Variants in SLC39A10 observed in about 807,000 individuals in gnomAD.
The protein encoded by SLC39A10 is solute carrier family 39 member 10.
SLC39A10 carries 13 observed loss-of-function variants against 65.1 expected under a neutral mutation model. The observed-to-expected ratio is 0.20, with a 90% confidence interval of 0.13 to 0.32. SLC39A10 has a LOEUF of 0.32. Ranked by LOEUF, SLC39A10 falls within the 10% of genes least tolerant of loss-of-function variation. SLC39A10 has a pLI of 1.00. For synonymous variants in SLC39A10, 321 were observed against 342.2 expected, an observed-to-expected ratio of 0.94 and a Z score of 0.68; for missense variants, 831 against 1,018.4, an observed-to-expected ratio of 0.82 and a Z score of 2.50.
At chr2:195,619,092 CAAAAAA>C (rs66627464) in intron 2 of SLC39A10, among the ~76,000 whole-genome samples, 1 of 69,656 alleles carries the variant, frequency 1.4e-5, no homozygotes, top group Non-Finnish European at 2.6e-5. Flanking sequence ...GACTCTGTCT[CAAAAAA>C]AAAAAAAAAA....
At chr2:195,671,215 A>G (rs560055773) in intron 1 of SLC39A10, among the ~76,000 whole-genome samples, 1 of 152,332 alleles carries the variant, frequency 6.6e-6, no homozygotes, top group South Asian at 2.1e-4. Flanking sequence ...TCAAAATAGT[A>G]TAATAATTAG....
At chr2:195,682,511 CA>C (rs78981399) in intron 2 of SLC39A10, among the ~76,000 whole-genome samples, 41,835 of 151,884 alleles carry the variant, frequency 0.28, 5,924 homozygotes, top group Middle Eastern at 0.42. Flanking sequence ...AGACTGGTCT[CA>C]AACTCCTCGC....
At chr2:195,681,381 C>T (rs1380192941) in intron 2 of SLC39A10, among the ~76,000 whole-genome samples, 7 of 151,942 alleles carry the variant, frequency 4.6e-5, no homozygotes, top group Middle Eastern at 3.2e-3. Context: ...AAAAAATTAG[C>T]GGGGCATGGT....
intron 1 of SLC39A10, among the ~76,000 whole-genome samples, chr2:195,678,313 A>G (rs1033640568): frequency 1.3e-5 from 2 of 152,094 alleles, no homozygotes; most frequent in African/African-American, 4.8e-5. Flanking sequence ...AGTTATTTTC[A>G]TGGGGTATAT....
chr2:195,677,254 T>A (rs931296643), intron 1 of SLC39A10, among the ~76,000 whole-genome samples: 18 of 152,112 alleles, frequency 1.2e-4, no homozygotes, highest in African/African-American at 3.9e-4. Context: ...TATCTCTCTT[T>A]CAAAAAGTAA....
In SLC39A10 at chr2:195,736,795, C is replaced by A. The variant is rs919521970; in HGVS notation, c.*1754C>A. 6.6e-6 allele frequency: 1 copy of A among 152,556 alleles called. No homozygotes were observed. The highest frequency in any genetic ancestry group is 6.6e-5 in the Admixed American group (1 of 15,260). The allele number at this position is 152,556 out of a possible 1,614,324, so 9.5% of individuals were successfully genotyped here. On this transcript the variant is annotated 3_prime_UTR_variant, in exon 10 of 10. Transcript: ENST00000359634. ...GCATTGGGCACTGAATTAGGACAGT[C>A]CTCATCTCATTGCTTGGCCCTTCAA...
At chr2:195,721,801 T>A (rs1692055902) in intron 8 of SLC39A10, among the ~76,000 whole-genome samples, 1 of 152,206 alleles carries the variant, frequency 6.6e-6, no homozygotes, top group Non-Finnish European at 1.5e-5. Flanking sequence ...AACCTCCAAC[T>A]TTCCTTCCTG....
At chr2:195,707,476 C>T (rs1451284770) in intron 4 of SLC39A10, among the ~76,000 whole-genome samples, 1 of 152,072 alleles carries the variant, frequency 6.6e-6, no homozygotes, top group East Asian at 1.9e-4. Context: ...TTGAGTATTT[C>T]CCTTCTAGAG....
intron 2 of SLC39A10, 115 bp from the exon 3 acceptor site, chr2:195,683,584 T>C: frequency 1.4e-6 from 1 of 738,264 alleles, no homozygotes; most frequent in Non-Finnish European, 2.2e-6. Flanking sequence ...GATATCTATG[T>C]ATTACAGATT....
At chr2:195,685,752 G>C (rs1690501207) in intron 3 of SLC39A10, among the ~76,000 whole-genome samples, 1 of 151,768 alleles carries the variant, frequency 6.6e-6, no homozygotes, top group Non-Finnish European at 1.5e-5. Context: ...TAGATCTTGG[G>C]GGATCTTAAT....
chr2:195,663,959 C>T (rs1160987862), intron 1 of SLC39A10, among the ~76,000 whole-genome samples: 2 of 151,866 alleles, frequency 1.3e-5, no homozygotes, highest in African/African-American at 4.8e-5. Context: ...TCCTCCTTCT[C>T]TCCCGTTTTT....
In SLC39A10 at chr2:195,728,844, A is replaced by G. The variant is rs1264805670; in HGVS notation, c.2337+495A>G. On this transcript the variant is annotated intron_variant, in intron 9 of 9. Coordinates refer to ENST00000359634, the MANE Select transcript of SLC39A10 (RefSeq NM_020342.3). The surrounding 1 kb of genome is among the most constrained non-coding windows in gnomAD (Gnocchi z 4.4). The stretch of plus-strand genomic sequence containing the variant: ...TGTTTTATTTTGATTTTACTTTAAT[A>G]CCCCAAATATGTTAGACAGTGTATT... Among the ~76,000 whole-genome samples, 1 of 152,118 alleles carries G rather than the reference A, an allele frequency of 6.6e-6. No individual in the cohort carries two copies. The highest frequency in any genetic ancestry group is 2.4e-5 in the African/African-American group (1 of 41,418).
intron 1 of SLC39A10, among the ~76,000 whole-genome samples, chr2:195,663,575 GATC>G (rs368750132): frequency 0.011 from 1,724 of 152,070 alleles, 24 homozygotes; most frequent in Non-Finnish European, 0.018. Flanking sequence ...AAGGCAGTGA[GATC>G]ATGTTTTCTA....
chr2:195,644,884 TA>T (rs775093611), intron 2 of SLC39A10, among the ~76,000 whole-genome samples: 26,969 of 133,776 alleles, frequency 0.2, 2,617 homozygotes, highest in East Asian at 0.47. Flanking sequence ...ATGACCAATC[TA>T]ACTACTTTAT....
At chr2:195,613,928 G>A (rs1041740972) in intron 2 of SLC39A10, among the ~76,000 whole-genome samples, 2 of 152,044 alleles carry the variant, frequency 1.3e-5, no homozygotes, top group African/African-American at 4.8e-5. Context: ...AGGAATCTTC[G>A]GTGGTGTATT....
At chr2:195,677,844 GGTTCGA>G (rs1437739784) in intron 1 of SLC39A10, among the ~76,000 whole-genome samples, 2 of 151,458 alleles carry the variant, frequency 1.3e-5, no homozygotes, top group Non-Finnish European at 2.9e-5. Context: ...CTGCCTCCTG[GGTTCGA>G]GTGATTCTCC....
chr2:195,644,172 AAGAGGATGG>A, intron 2 of SLC39A10, among the ~76,000 whole-genome samples: 1 of 150,414 alleles, frequency 6.6e-6, no homozygotes. Context: ...ATTTCCTTCC[AAGAGGATGG>A]ATTCGTTTTG....
intron 2 of SLC39A10, among the ~76,000 whole-genome samples, chr2:195,635,660 A>G (rs1306456167): frequency 2.0e-5 from 3 of 149,534 alleles, no homozygotes; most frequent in African/African-American, 7.4e-5. Flanking sequence ...CCCTTAAGTA[A>G]TTGAATTGTG....
intron 2 of SLC39A10, among the ~76,000 whole-genome samples, chr2:195,621,823 T>C (rs554339589): frequency 6.6e-6 from 1 of 152,324 alleles, no homozygotes; most frequent in South Asian, 2.1e-4. Context: ...ATAAATACAG[T>C]GATCAACATA....
Sources: gnomAD v4.1 joint callset for allele counts (sites outside exome capture counted in the v4.1 genomes callset) on GRCh38, gnomAD v4.1.1 for gene constraint, Gnocchi (gnomAD v3.1) non-coding constraint, MANE v1.5 for transcripts, NCBI Gene and HGNC (gene_info 2026-07-23, HGNC 2026-07-21) for gene names.